The following COL7A1 variants were observed in gnomAD, a reference collection of about 807,000 sequenced individuals.
COL7A1 encodes collagen type VII alpha 1 chain, also known as collagen alpha-1(VII) chain.
A neutral mutation model predicts 456.2 loss-of-function variants in COL7A1; 296 were observed. The observed-to-expected ratio is 0.65, with a 90% CI of 0.59 to 0.71. The LOEUF (loss-of-function observed/expected upper bound fraction) is 0.71, where lower values mean the gene tolerates loss of function less well. Among genes scored for constraint, COL7A1 ranks in the 30% least tolerant of loss-of-function variants. The pLI, the probability that COL7A1 is intolerant of heterozygous loss-of-function variation, is 0.00. For missense variants in COL7A1, 3,441 were observed against 4,017.2 expected (o/e 0.86, Z 3.88); for synonymous variants, 1,464 against 1,525.9 (o/e 0.96, Z 0.95).
In COL7A1 at chr3:48,583,664, C is replaced by A; in HGVS notation, c.4342-49G>T. On this transcript the variant is annotated intron_variant, in intron 40 of 118. Transcript: ENST00000681320. The surrounding 1 kb of genome is among the most constrained non-coding windows in gnomAD (Gnocchi z 5.1). The stretch of plus-strand genomic sequence containing the variant: ...GAAGACCGAAGGGAGGCCCTGCCCC[C>A]AGCACGCAGCCTCCCACCCCAGAAC... 2 of 1,613,478 alleles carry A rather than the reference C, an allele frequency of 1.2e-6. No homozygotes were observed. Among genetic ancestry groups the A allele is most frequent in the Non-Finnish European group, 1.7e-6 (2 of 1,179,474 alleles).
chr3:48,590,698 A>G lies in COL7A1; in HGVS notation c.1755T>C (p.Ser585=). ...VSARVGPREG[S]ASVLTVRREP... ...CCCGGCGGACAGTGAGGACACTGGCACTGCCCTCACGGGGACCCACTCGAG... is the reference window on the plus strand; with the variant it reads ...CCCGGCGGACAGTGAGGACACTGGCGCTGCCCTCACGGGGACCCACTCGAG... The change falls in exon 14 of 119, where the codon AGT becomes AGC. Residue 585 remains serine, a synonymous_variant. Transcript: ENST00000681320. This position sits in a 1 kb window ranked among gnomAD's most constrained non-coding sequence, Gnocchi z 4.6. 6.2e-7 allele frequency: 1 copy of G among 1,614,006 alleles called. No individual in the cohort carries two copies. Among genetic ancestry groups the G allele is most frequent in the East Asian group, 2.2e-5 (1 of 44,882 alleles).
Position 48,580,253 on chromosome 3 carries a change from A to G in COL7A1, c.5097+47T>C. ...GTGAAGGCACACTGGCAGCAGCGCCAGGGGACCCTCCATCCCTTCTGAGCC... is the reference window on the plus strand; with the variant it reads ...GTGAAGGCACACTGGCAGCAGCGCCGGGGGACCCTCCATCCCTTCTGAGCC... On this transcript the variant is annotated intron_variant, in intron 56 of 118. Coordinates refer to ENST00000681320, the MANE Select transcript of COL7A1 (RefSeq NM_000094.4). This position sits in a 1 kb window ranked among gnomAD's most constrained non-coding sequence, Gnocchi z 4.5. The G allele has an allele frequency of 6.2e-7, 1 of 1,600,350 alleles. No homozygotes were observed. The highest frequency in any genetic ancestry group is 8.5e-7 in the Non-Finnish European group (1 of 1,172,324).
rs2046007153 is a variant in COL7A1, at chr3:48,595,303, GTC to G, written c.-39_-38del. 1 of 711,244 alleles carries G rather than the reference GTC, an allele frequency of 1.4e-6. No individual in the cohort carries two copies. Among genetic ancestry groups the G allele is most frequent in the Non-Finnish European group, 2.5e-6 (1 of 401,520 alleles). 44.1% of individuals were successfully genotyped at this position (711,244 alleles called of 1,614,324 possible). A position where few individuals can be genotyped will look rare whatever the true frequency, so the allele number is the denominator to read the frequency against. ...GCCCGCTCCCGCCGCCGCCGCTGCAGTCTCTCGGGCAGAGCAGAGAAAAGTCC... is the reference window on the plus strand; with the variant it reads ...GCCCGCTCCCGCCGCCGCCGCTGCAGTCTCGGGCAGAGCAGAGAAAAGTCC... On this transcript the variant is annotated 5_prime_UTR_variant, in exon 1 of 119. Transcript: ENST00000681320.
At position 48,576,158 on chromosome 3, in the gene COL7A1, A is replaced by ATGTTCTG. The variant is rs1434009127; in HGVS notation, c.5820+90_5820+91insCAGAACA. On this transcript the variant is annotated intron_variant, in intron 71 of 118. Transcript: ENST00000681320. Reference sequence around the variant, plus strand: ...GCACTGAACACACAGCACAGAACCTATGGAGCCTCATGGCAAGGGGAAGGG... The same window carrying ATGTTCTG: ...GCACTGAACACACAGCACAGAACCTATGTTCTGTGGAGCCTCATGGCAAGGGGAAGGG... The ATGTTCTG allele has an allele frequency of 4.4e-6, 7 of 1,579,266 alleles. No individual in the cohort carries two copies. The African/African-American group carries it at 9.4e-5, about 21-fold the overall frequency.
chr3:48,592,988 T>A lies in COL7A1; in HGVS notation c.683-50A>T. On this transcript the variant is annotated intron_variant, in intron 6 of 118. Transcript: ENST00000681320. The surrounding 1 kb of genome is among the most constrained non-coding windows in gnomAD (Gnocchi z 7.6). ...AGGCAGGAGGATTGGGGTGGGCATG[T>A]ATGATGCAGAGTTGGGGTCGGGGTC... The A allele has an allele frequency of 6.2e-7, 1 of 1,612,630 alleles. No individual in the cohort carries two copies. The highest frequency in any genetic ancestry group is 8.5e-7 in the Non-Finnish European group (1 of 1,179,626).
rs1467642102 is a variant in COL7A1 at position 48,565,610 on chromosome 3, A to G, written c.8440+26T>C. 3.1e-6 allele frequency: 5 copies of G among 1,614,126 alleles called. No homozygotes were observed. The highest frequency in any genetic ancestry group is 4.2e-6 in the Non-Finnish European group (5 of 1,180,022). ...GCAGGGCAGGGCCTGGGGTGAAGAA[A>G]GTTCTGGGAGTAGAAAACTACTCAC... On this transcript the variant is annotated intron_variant, in intron 115 of 118. Transcript: ENST00000681320. The surrounding 1 kb of genome is among the most constrained non-coding windows in gnomAD (Gnocchi z 4.5).
Position 48,590,529 on chromosome 3 carries a change from C to T in COL7A1, c.1836G>A (p.Thr612=), listed in dbSNP as rs151186709. The T allele has an allele frequency of 1.6e-5, 26 of 1,614,048 alleles. No homozygotes were observed. Among genetic ancestry groups the T allele is most frequent in the East Asian group, 8.9e-5 (4 of 44,900 alleles). Reference sequence around the variant, plus strand: ...CGGGTCCCCAGGCCACCCTCACTCGCGTTGCATCTGACACCACAACCCGCA... The same window carrying T: ...CGGGTCCCCAGGCCACCCTCACTCGTGTTGCATCTGACACCACAACCCGCA... ...PGLRVVVSDA[T]RVRVAWGPVP... The change falls in exon 15 of 119, where the codon ACG becomes ACA. Residue 612 remains threonine (T), a synonymous_variant. Transcript: ENST00000681320. The surrounding 1 kb of genome is among the most constrained non-coding windows in gnomAD (Gnocchi z 4.6).
In COL7A1 at chr3:48,571,431, A is replaced by G; in HGVS notation, c.7069-153T>C. The G allele has an allele frequency of 1.1e-6, 1 of 894,312 alleles. No individual in the cohort carries two copies. Among genetic ancestry groups the G allele is most frequent in the Non-Finnish European group, 1.8e-6 (1 of 546,902 alleles). The allele number at this position is 894,312 out of a possible 1,614,324, so 55.4% of individuals were successfully genotyped here. A position where few individuals can be genotyped will look rare whatever the true frequency, so the allele number is the denominator to read the frequency against. On this transcript the variant is annotated intron_variant, in intron 92 of 118. Coordinates refer to ENST00000681320, the MANE Select transcript of COL7A1 (RefSeq NM_000094.4). This position sits in a 1 kb window ranked among gnomAD's most constrained non-coding sequence, Gnocchi z 4.6. ...CAAGAATTGGCTCACAGGAGCTCAG[A>G]CATGACCATGGCCTATCTCAGGACA...
Position 48,566,662 on chromosome 3 carries a change from G to T in COL7A1, c.8302C>A (p.Gln2768Lys). 2 of 1,614,144 alleles carry T rather than the reference G, an allele frequency of 1.2e-6. No homozygotes were observed. The highest frequency in any genetic ancestry group is 2.2e-5 in the South Asian group (2 of 91,080). Residue 2768 changes from glutamine to lysine, a missense_variant and splice_region_variant, in exon 112 of 119, where the codon CAG (glutamine) becomes AAG (lysine). Gln to Lys is a moderately conservative substitution (Grantham distance 53). Coordinates refer to ENST00000681320, the MANE Select transcript of COL7A1 (RefSeq NM_000094.4). This position sits in a 1 kb window ranked among gnomAD's most constrained non-coding sequence, Gnocchi z 5.9. The stretch of plus-strand genomic sequence containing the variant: ...CAAGCCTTGGAATCCCTACTCACCT[G>T]CTCCCCTCTCTCGCCAGGAGCTCCA... ...VPGAPGERGE[Q>K]GRPGPAGPRG...
At position 48,581,379 on chromosome 3, in the gene COL7A1, G is replaced by A. The variant is rs537263049; in HGVS notation, c.4819-39C>T. The A allele has an allele frequency of 5.0e-5, 80 of 1,613,684 alleles. No individual in the cohort carries two copies. The highest frequency in any genetic ancestry group is 1.6e-4 in the Middle Eastern group (1 of 6,062). ...AAGAGGGAGGTGATGCAGGACGCTC[G>A]AAGCAAGCAGTTCTCAAGGGGAGGG... On this transcript the variant is annotated intron_variant, in intron 51 of 118. Transcript: ENST00000681320. This position sits in a 1 kb window ranked among gnomAD's most constrained non-coding sequence, Gnocchi z 5.8.
rs753671743 is a variant in COL7A1 at position 48,569,640 on chromosome 3, T to C, written c.7566A>G (p.Ser2522=). The change falls in exon 102 of 119, where the codon TCA becomes TCG. Residue 2522 remains serine, a synonymous_variant. Transcript: ENST00000681320. This position sits in a 1 kb window ranked among gnomAD's most constrained non-coding sequence, Gnocchi z 4.9. The part of the protein sequence containing the change: ...SAGLKGDKGD[S]AVILGPPGPR... ...GGCCTGGAGGCCCCAGGATCACAGC[T>C]GAGTCTCCCTGAGGGGGCAGGCAGG... 1.7e-5 allele frequency: 28 copies of C among 1,613,804 alleles called. No homozygotes were observed. Among genetic ancestry groups the C allele is most frequent in the Non-Finnish European group, 2.1e-5 (25 of 1,179,914 alleles).
Position 48,579,031 on chromosome 3 carries a change from T to A in COL7A1, c.5389-77A>T. ...AGTCCCTGTGAGCCTAAGGCCTGCA[T>A]GGCAAGAACATGCCCCACCCAGGCA... On this transcript the variant is annotated intron_variant, in intron 62 of 118. Transcript: ENST00000681320. The surrounding 1 kb of genome is among the most constrained non-coding windows in gnomAD (Gnocchi z 4.4). 1 of 1,596,186 alleles carries A rather than the reference T, an allele frequency of 6.3e-7. No homozygotes were observed. Among genetic ancestry groups the A allele is most frequent in the Non-Finnish European group, 8.6e-7 (1 of 1,164,510 alleles).
intron 65 of COL7A1, among the ~76,000 whole-genome samples, chr3:48,577,246 T>C (rs758764796): frequency 1.9e-4 from 29 of 152,270 alleles, no homozygotes; most frequent in Admixed American, 3.9e-4. Flanking sequence ...ACTGCACACA[T>C]GTCCTTTGAC....
chr3:48,569,405 A>T lies in COL7A1; in HGVS notation c.7656T>A (p.Pro2552=). The T allele has an allele frequency of 6.2e-7, 1 of 1,613,912 alleles. No individual in the cohort carries two copies. Among genetic ancestry groups the T allele is most frequent in the Non-Finnish European group, 8.5e-7 (1 of 1,179,944 alleles). ...GPRGLDGDKG[P]RGDNGDPGDK... is the part of the protein sequence containing the mutation. The stretch of plus-strand genomic sequence containing the variant: ...CACCAGGGTCCCCATTGTCTCCCCG[A>T]GGTCCTTTGTCACCATCCAAGCCCC... The change falls in exon 103 of 119, where the codon CCT becomes CCA. Residue 2552 remains proline, a synonymous_variant. Coordinates refer to ENST00000681320, the MANE Select transcript of COL7A1 (RefSeq NM_000094.4). This position sits in a 1 kb window ranked among gnomAD's most constrained non-coding sequence, Gnocchi z 4.9.
Position 48,579,530 on chromosome 3 carries a change from G to T in COL7A1, c.5236-15C>A, listed in dbSNP as rs373837863. Reference sequence around the variant, plus strand: ...CCTTCAATGCCCTGAGGATAGGGGAGGAAGAAATCAGAGCAGGCCCTCCCA... The same window carrying T: ...CCTTCAATGCCCTGAGGATAGGGGATGAAGAAATCAGAGCAGGCCCTCCCA... On this transcript the variant is annotated splice_polypyrimidine_tract_variant and intron_variant, in intron 59 of 118. Coordinates refer to ENST00000681320, the MANE Select transcript of COL7A1 (RefSeq NM_000094.4). The surrounding 1 kb of genome is among the most constrained non-coding windows in gnomAD (Gnocchi z 4.4). 7 of 1,613,820 alleles carry T rather than the reference G, an allele frequency of 4.3e-6. No homozygotes were observed. The South Asian group carries it at 7.7e-5, about 18-fold the overall frequency.
At position 48,567,869 on chromosome 3, in the gene COL7A1, G is replaced by C; in HGVS notation, c.7898C>G (p.Ala2633Gly). ...TCCCTTCTCTCCATCAAGGCCACAG[G>C]CTCCCTTCACTCCCCGTTCACCCTG... is the stretch of plus-strand genomic sequence containing the variant. ...GLKGERGVKG[A>G]CGLDGEKGDK... The change falls in exon 107 of 119, where the codon GCC becomes GGC. Residue 2633 changes from alanine to glycine, a missense_variant. Coordinates refer to ENST00000681320, the MANE Select transcript of COL7A1 (RefSeq NM_000094.4). This position sits in a 1 kb window ranked among gnomAD's most constrained non-coding sequence, Gnocchi z 4.3. 1 of 1,614,076 alleles carries C rather than the reference G, an allele frequency of 6.2e-7. No individual in the cohort carries two copies. Among genetic ancestry groups the C allele is most frequent in the Non-Finnish European group, 8.5e-7 (1 of 1,180,006 alleles).
In COL7A1 at chr3:48,587,276, A is replaced by T. The variant is rs2045339623; in HGVS notation, c.3053T>A (p.Leu1018Gln). The T allele has an allele frequency of 1.2e-6, 2 of 1,610,498 alleles. No individual in the cohort carries two copies. The highest frequency in any genetic ancestry group is 4.5e-5 in the East Asian group (2 of 44,778). The change falls in exon 24 of 119, where the codon CTA (leucine) becomes CAA (glutamine). Residue 1018 changes from leucine (L) to glutamine (Q), a missense_variant. Transcript: ENST00000681320. The surrounding 1 kb of genome is among the most constrained non-coding windows in gnomAD (Gnocchi z 6.1). ...GISSSQRVTG[L>Q]EPGVSYIFSL... ...GAAGATGTAAGAGACGCCAGGCTCT[A>T]GCCCTGTCACCCGCTGGGAGCTTGA...
rs974741905 is a variant in COL7A1 at position 48,570,200 on chromosome 3, A to G, written c.7441-22T>C. On this transcript the variant is annotated intron_variant, in intron 98 of 118. Transcript: ENST00000681320. The surrounding 1 kb of genome is among the most constrained non-coding windows in gnomAD (Gnocchi z 5.5). ...CACCCTGGATGGTGACATTAGGTTC[A>G]TTGACTCAGAGGTTGGAAATCAGAG... 1 of 1,614,084 alleles carries G rather than the reference A, an allele frequency of 6.2e-7. No homozygotes were observed. Among genetic ancestry groups the G allele is most frequent in the Non-Finnish European group, 8.5e-7 (1 of 1,179,984 alleles).
rs777908742 is a variant in COL7A1 at position 48,583,034 on chromosome 3, G to A, written c.4497C>T (p.Pro1499=). Residue 1499 remains proline (P), a synonymous_variant, in exon 44 of 119, where the codon CCC becomes CCT. Transcript: ENST00000681320. This position sits in a 1 kb window ranked among gnomAD's most constrained non-coding sequence, Gnocchi z 5.1. Reference sequence around the variant, plus strand: ...TTACCCGGGATCCCGCTGGGCCTGGGGGTCCACGTTCGCCCTGATGGAAAA... The same window carrying A: ...TTACCCGGGATCCCGCTGGGCCTGGAGGTCCACGTTCGCCCTGATGGAAAA... ...GEAGEKGERG[P]PGPAGSRGLP... 22 of 1,614,032 alleles carry A rather than the reference G, an allele frequency of 1.4e-5. 1 individual carries two copies. The South Asian group carries it at 2.0e-4, about 15-fold the overall frequency.
Sources: allele counts gnomAD v4.1 joint callset (sites outside exome capture counted in the v4.1 genomes callset), GRCh38; gene constraint gnomAD v4.1.1; non-coding constraint Gnocchi (gnomAD v3.1); transcripts MANE v1.5; gene names NCBI Gene and HGNC (gene_info 2026-07-23, HGNC 2026-07-21).